The following USP24 variants were observed in gnomAD, a reference collection of about 807,000 sequenced individuals.
USP24 encodes the protein ubiquitin specific peptidase 24.
A neutral mutation model predicts 361.6 loss-of-function variants in USP24; 97 were observed. The ratio of observed to expected loss-of-function variants is 0.27; its 90% CI spans 0.23 to 0.32. The LOEUF (loss-of-function observed/expected upper bound fraction) is 0.32, where lower values mean the gene tolerates loss of function less well. Ranked by LOEUF, USP24 falls within the 10% of genes least tolerant of loss-of-function variation. The pLI, the probability that USP24 is intolerant of heterozygous loss-of-function variation, is 1.00. For missense variants in USP24, 2,353 were observed against 3,165.6 expected (o/e 0.74, Z 6.16); for synonymous variants, 1,098 against 1,124.6 (o/e 0.98, Z 0.47).
intron 1 of USP24, among the ~76,000 whole-genome samples, chr1:55,184,291 A>G (rs764419702): frequency 2.0e-5 from 3 of 152,140 alleles, no homozygotes; most frequent in Non-Finnish European, 4.4e-5. Context: ...TCCTGAGCTC[A>G]AGCAATCCAC....
rs56659823 is a variant in USP24 at position 55,201,600 on chromosome 1, CAAAAAAAAAAAAAAA to C, written c.324+13175_324+13189del. ...TGGGTGACAGAGCAAGACTCCATCT[CAAAAAAAAAAAAAAA>C]AAAAAAAAAAAAAAGACTCAATTTA... On this transcript the variant is annotated intron_variant, in intron 1 of 67. Coordinates refer to ENST00000294383, the MANE Select transcript of USP24 (RefSeq NM_015306.3). Among the ~76,000 whole-genome samples the C allele has an allele frequency of 7.2e-3, 255 of 35,468 alleles. 1 individual carries two copies. The highest frequency in any genetic ancestry group is 0.037 in the African/African-American group (229 of 6,188). The allele number at this position is 35,468 out of a possible 152,430, so 23.3% of individuals were successfully genotyped here. A position where few individuals can be genotyped will look rare whatever the true frequency, so the allele number is the denominator to read the frequency against.
chr1:55,208,656 C>G (rs142588030), intron 1 of USP24, among the ~76,000 whole-genome samples: 1 of 150,640 alleles, frequency 6.6e-6, no homozygotes, highest in Non-Finnish European at 1.5e-5. Flanking sequence ...CAAAAAACAG[C>G]GCTGGGCACG....
At chr1:55,152,146 A>G (rs1570554847) in intron 16 of USP24, among the ~76,000 whole-genome samples, 1 of 152,300 alleles carries the variant, frequency 6.6e-6, no homozygotes, top group Non-Finnish European at 1.5e-5. Flanking sequence ...GTGCTATATA[A>G]AAGGCAAGAT....
intron 10 of USP24, 33 bp downstream of exon 10, chr1:55,158,845 A>G (rs755460776): frequency 7.0e-7 from 1 of 1,432,672 alleles, no homozygotes; most frequent in South Asian, 1.7e-5. Flanking sequence ...GTATCTGTGC[A>G]TTAAGTCTTG....
chr1:55,195,852 A>C (rs551620394), intron 1 of USP24, among the ~76,000 whole-genome samples: 1 of 152,268 alleles, frequency 6.6e-6, no homozygotes, highest in East Asian at 1.9e-4. Flanking sequence ...CAAGATGAAA[A>C]ATTTCTGGAG....
chr1:55,178,268 C>T, intron 1 of USP24, 136 bp from the exon 2 acceptor site: 1 of 908,932 alleles, frequency 1.1e-6, no homozygotes. Flanking sequence ...ACCTTTCTTT[C>T]CTATAATCAC....
chr1:55,112,183 T>C (rs1645973022), intron 38 of USP24, among the ~76,000 whole-genome samples: 1 of 152,156 alleles, frequency 6.6e-6, no homozygotes, highest in African/African-American at 2.4e-5. Context: ...TTTATAGCTA[T>C]AAATGCTTAC....
chr1:55,124,462 T>C lies in USP24; in HGVS notation c.4120+7A>G. 6.2e-7 allele frequency: 1 copy of C among 1,607,328 alleles called. No individual in the cohort carries two copies. On this transcript the variant is annotated splice_region_variant and intron_variant, in intron 35 of 67. Transcript: ENST00000294383. ...TGTTCTCATTACTGTCTCTTTTTAA[T>C]CAGTACCTGAACTGCTGAGTCTGTT... is the stretch of plus-strand genomic sequence containing the variant.
chr1:55,072,054 G>T, intron 66 of USP24, 130 bp from the exon 67 acceptor site: 1 of 842,370 alleles, frequency 1.2e-6, no homozygotes, highest in Non-Finnish European at 1.9e-6. Flanking sequence ...CTTCATCACA[G>T]TCACCAGAAC....
intron 1 of USP24, among the ~76,000 whole-genome samples, chr1:55,200,106 C>T (rs781440855): frequency 3.3e-5 from 5 of 152,158 alleles, no homozygotes; most frequent in African/African-American, 4.8e-5. Context: ...AACACGTGGA[C>T]GTGGGAATTA....
rs778951352 is a variant in USP24 at position 55,171,644 on chromosome 1, T to C, written c.737A>G (p.Asn246Ser). 6.2e-7 allele frequency: 1 copy of C among 1,606,648 alleles called. No individual in the cohort carries two copies. ...ATTCCTTTGAGACACTTTCATTCTG[T>C]TTTTAAAATGGTATTCATTATCAGG... is the stretch of plus-strand genomic sequence containing the variant. ...FNPDNEYHFKNRMKVSQRNWA... is the reference protein window; with the variant it reads ...FNPDNEYHFKSRMKVSQRNWA... The change falls in exon 5 of 68, where the codon AAC becomes AGC. Residue 246 changes from asparagine to serine, a missense_variant. Asn to Ser is a conservative substitution (Grantham distance 46). This residue lies in a region of USP24 where 386 missense variants were observed against 560.5 expected (regional missense o/e 0.69). Transcript: ENST00000294383.
intron 1 of USP24, among the ~76,000 whole-genome samples, chr1:55,213,922 C>A (rs1018615738): frequency 2.0e-5 from 3 of 152,076 alleles, no homozygotes; most frequent in African/African-American, 7.2e-5. Flanking sequence ...CTCTGCATAG[C>A]ACCCTCAGTA....
chr1:55,089,791 G>T, intron 54 of USP24, 51 bp from the exon 55 acceptor site: 2 of 1,306,888 alleles, frequency 1.5e-6, no homozygotes, highest in South Asian at 2.6e-5. Flanking sequence ...CCCAGCCAAT[G>T]ACCTCATGCA....
intron 54 of USP24, among the ~76,000 whole-genome samples, chr1:55,091,423 T>G (rs1251367242): frequency 6.6e-6 from 1 of 152,112 alleles, no homozygotes; most frequent in East Asian, 1.9e-4. Flanking sequence ...ATGAAACCAC[T>G]CCCTGTTGCT....
At chr1:55,180,429 T>C (rs191652620) in intron 1 of USP24, among the ~76,000 whole-genome samples, 31 of 152,242 alleles carry the variant, frequency 2.0e-4, no homozygotes, top group Non-Finnish European at 3.1e-4. Flanking sequence ...TAAGGTCTCA[T>C]TGGACAACCA....
chr1:55,069,138 T>G (rs1644868937), intron 67 of USP24, 31 bp from the exon 68 acceptor site: 1 of 1,612,884 alleles, frequency 6.2e-7, no homozygotes, highest in Non-Finnish European at 8.5e-7. Context: ...TTAAAGTTCA[T>G]ACGGTTAGAG....
At chr1:55,091,009 G>A (rs1174191371) in intron 54 of USP24, among the ~76,000 whole-genome samples, 5 of 152,120 alleles carry the variant, frequency 3.3e-5, no homozygotes, top group East Asian at 3.9e-4. Flanking sequence ...GCTTGAACCC[G>A]GGACACAGAG....
intron 35 of USP24, among the ~76,000 whole-genome samples, 162 bp downstream of exon 35, chr1:55,124,307 A>G (rs1029311260): frequency 6.6e-6 from 1 of 152,238 alleles, no homozygotes; most frequent in Non-Finnish European, 1.5e-5. Flanking sequence ...ATAGGAACAT[A>G]CATAAATACT....
chr1:55,106,385 G>A (rs1016181080), intron 40 of USP24, 122 bp from the exon 41 acceptor site: 2 of 712,100 alleles, frequency 2.8e-6, no homozygotes, highest in Non-Finnish European at 2.4e-6. Context: ...AGAGCATTTA[G>A]TTTAATTTAA....
Sources: allele counts gnomAD v4.1 joint callset (sites outside exome capture counted in the v4.1 genomes callset), GRCh38; gene constraint gnomAD v4.1.1; regional missense constraint gnomAD v4.1.1; transcripts MANE v1.5; gene names NCBI Gene and HGNC (gene_info 2026-07-23, HGNC 2026-07-21).